SH3BP5: variants seen among roughly 807,000 people sequenced by gnomAD.
The protein encoded by SH3BP5 is SH3 domain binding protein 5.
SH3BP5 carries 22 observed loss-of-function variants against 43.3 expected under a neutral mutation model. The ratio of observed to expected loss-of-function variants is 0.51; its 90% CI spans 0.36 to 0.73. The LOEUF (loss-of-function observed/expected upper bound fraction) is 0.73. SH3BP5 is among the 30% of genes least tolerant of loss of function. The probability of loss-of-function intolerance (pLI) is 0.00; values close to 1 mark genes in which losing one functional copy is unlikely to be tolerated. For synonymous variants in SH3BP5, 255 were observed against 225.8 expected (o/e 1.13, Z -1.16); for missense variants, 529 against 586.9 (o/e 0.90, Z 1.02).
chr3:15,267,717 C>T (rs1390520790), intron 4 of SH3BP5, among the ~76,000 whole-genome samples: 10 of 152,188 alleles, frequency 6.6e-5, no homozygotes, highest in Non-Finnish European at 1.2e-4. Context: ...TTCCCAAAGT[C>T]TGTGGTATGA....
Position 15,256,302 on chromosome 3 carries a change from T to C in SH3BP5, c.1152A>G (p.Gly384=). 6.2e-7 allele frequency: 1 copy of C among 1,612,194 alleles called. No homozygotes were observed. The stretch of plus-strand genomic sequence containing the variant: ...TATTCTCTGCCCCTTCTGCCCTGTC[T>C]CCTATAGAAATACAAGGATTATCAA... The part of the protein sequence containing the change: ...ASSPECEVER[G]DRAEGAENKT... Residue 384 remains glycine, a splice_region_variant and synonymous_variant, in exon 9 of 9, where the codon GGA becomes GGG. Coordinates refer to ENST00000383791, the MANE Select transcript of SH3BP5 (RefSeq NM_004844.5).
At chr3:15,336,945 C>A (rs1698706753), upstream of SH3BP5, among the ~76,000 whole-genome samples, 1 of 152,172 alleles carries the variant, frequency 6.6e-6, no homozygotes, top group African/African-American at 2.4e-5. Flanking sequence ...CCACTGTAAG[C>A]ACTTGGCATA....
upstream of SH3BP5, chr3:15,332,666 G>A: frequency 8.7e-7 from 1 of 1,144,062 alleles, no homozygotes. Context: ...CCGGCCTCGC[G>A]TTCCGCCGCC....
In SH3BP5 at chr3:15,285,111, C is replaced by T. The variant is rs914124593; in HGVS notation, c.331-15234G>A. 3.9e-5 allele frequency among the ~76,000 whole-genome samples: 6 copies of T among 152,224 alleles called. No individual in the cohort carries two copies. In the East Asian group the frequency reaches 1.2e-3, roughly 29 times the overall value. Reference sequence around the variant, plus strand: ...TAATTCCCATATTCTAGCACAGTGGCTGGTACACTGCAAATGTTTAAGAAA... The same window carrying T: ...TAATTCCCATATTCTAGCACAGTGGTTGGTACACTGCAAATGTTTAAGAAA... On this transcript the variant is annotated intron_variant, in intron 3 of 8. Coordinates refer to ENST00000383791, the MANE Select transcript of SH3BP5 (RefSeq NM_004844.5).
At chr3:15,288,865 G>C (rs932048285) in intron 3 of SH3BP5, among the ~76,000 whole-genome samples, 1 of 152,204 alleles carries the variant, frequency 6.6e-6, no homozygotes, top group African/African-American at 2.4e-5. Context: ...TGAATGAATG[G>C]ATTCTGTGAC....
At chr3:15,293,428 C>G (rs553882109) in intron 3 of SH3BP5, among the ~76,000 whole-genome samples, 2 of 152,308 alleles carry the variant, frequency 1.3e-5, no homozygotes, top group South Asian at 4.1e-4. Context: ...ACACTGAAGT[C>G]CTAGCAGGAA....
intron 5 of SH3BP5, chr3:15,260,597 C>G (rs193031017): frequency 1.3e-5 from 2 of 152,318 alleles, no homozygotes; most frequent in Non-Finnish European, 2.9e-5. Flanking sequence ...GTATGAAAAT[C>G]CTGAAATTTG....
intron 3 of SH3BP5, 61 bp downstream of exon 3, chr3:15,304,042 C>T: frequency 7.1e-7 from 1 of 1,410,844 alleles, no homozygotes; most frequent in Non-Finnish European, 1.0e-6. Context: ...GTCAAAGGCA[C>T]CCTTAAAACT....
intron 3 of SH3BP5, among the ~76,000 whole-genome samples, chr3:15,294,321 G>GTGTA (rs1559444185): frequency 1.6e-5 from 2 of 122,026 alleles, no homozygotes; most frequent in African/African-American, 7.9e-5. Context: ...GTGTGTGTGT[G>GTGTA]TGTGTGTGTG....
At chr3:15,309,911 C>CT (rs11395350) in intron 2 of SH3BP5, among the ~76,000 whole-genome samples, 5 of 151,462 alleles carry the variant, frequency 3.3e-5, no homozygotes, top group East Asian at 3.9e-4. Flanking sequence ...GCTCCACCCC[C>CT]CCCCCATAAG....
rs752050536 is a variant in SH3BP5, at chr3:15,256,893, T to C, written c.1110A>G (p.Glu370=). 1 of 1,613,618 alleles carries C rather than the reference T, an allele frequency of 6.2e-7. No homozygotes were observed. The highest frequency in any genetic ancestry group is 1.7e-5 in the Admixed American group (1 of 59,994). ...ATTCAGGGGAGGAGGCCCCGCTGCA[T>C]TCACTTCGAGGGCCCAACACTGGGA... ...MMFPVLGPRS[E]CSGASSPECE... The change falls in exon 8 of 9, where the codon GAA becomes GAG. Residue 370 remains glutamate, a synonymous_variant. Coordinates refer to ENST00000383791, the MANE Select transcript of SH3BP5 (RefSeq NM_004844.5).
chr3:15,268,006 C>A (rs533125227), intron 4 of SH3BP5, among the ~76,000 whole-genome samples: 1 of 152,198 alleles, frequency 6.6e-6, no homozygotes, highest in African/African-American at 2.4e-5. Flanking sequence ...TCATATCTAT[C>A]GGGCTTTGGC....
rs375664597 is a variant in SH3BP5, at chr3:15,323,947, G to A, written c.201+6557C>T. On this transcript the variant is annotated intron_variant, in intron 2 of 8. Transcript: ENST00000383791. Reference sequence around the variant, plus strand: ...CACCTACTTCCCCAAAGGGAAATAAGCAGTATGGGGGGACCACTGAAGCCC... The same window carrying A: ...CACCTACTTCCCCAAAGGGAAATAAACAGTATGGGGGGACCACTGAAGCCC... Among the ~76,000 whole-genome samples, 13 of 152,304 alleles carry A rather than the reference G, an allele frequency of 8.5e-5. 2 individuals are homozygous for A. The highest frequency in any genetic ancestry group is 1.9e-4 in the East Asian group (1 of 5,188).
intron 2 of SH3BP5, among the ~76,000 whole-genome samples, chr3:15,320,605 A>AACACACACGCACACACACAC (rs1698298654): frequency 7.9e-6 from 1 of 126,860 alleles, no homozygotes; most frequent in Non-Finnish European, 1.7e-5. Flanking sequence ...ATCCAGCCAA[A>AACACACACGCACACACACAC]ACACACACAC....
intron 2 of SH3BP5, among the ~76,000 whole-genome samples, chr3:15,312,360 CTGAT>C (rs1453826195): frequency 1.3e-5 from 2 of 152,202 alleles, no homozygotes; most frequent in Admixed American, 6.5e-5. Context: ...ATGTAATAGG[CTGAT>C]TGTCATCTTA....
chr3:15,267,048 T>G (rs1368968868), intron 4 of SH3BP5, among the ~76,000 whole-genome samples: 1 of 152,228 alleles, frequency 6.6e-6, no homozygotes. Flanking sequence ...GAGGGTGAGA[T>G]GAAGCTCCCT....
intron 7 of SH3BP5, chr3:15,258,614 C>T (rs1320195758): frequency 1.8e-6 from 1 of 567,574 alleles, no homozygotes; most frequent in Non-Finnish European, 3.1e-6. Flanking sequence ...GTAACATTTT[C>T]CCAATTTATT....
At chr3:15,305,110 C>T (rs1400162948) in intron 2 of SH3BP5, among the ~76,000 whole-genome samples, 1 of 148,032 alleles carries the variant, frequency 6.8e-6, no homozygotes, top group Non-Finnish European at 1.5e-5. Context: ...GAGTGAGACA[C>T]TGTCTCAAAA....
intron 3 of SH3BP5, among the ~76,000 whole-genome samples, chr3:15,277,995 G>A (rs368295778): frequency 5.3e-5 from 8 of 152,216 alleles, no homozygotes; most frequent in Admixed American, 2.6e-4. Flanking sequence ...GGCACGGGGT[G>A]GCAGGACCCG....
Sources: gnomAD v4.1 joint callset for allele counts (sites outside exome capture counted in the v4.1 genomes callset) on GRCh38, gnomAD v4.1.1 for gene constraint, MANE v1.5 for transcripts, NCBI Gene and HGNC (gene_info 2026-07-23, HGNC 2026-07-21) for gene names.